Variants in WDPCP observed in about 807,000 individuals in gnomAD.
WDPCP encodes the protein WD repeat-containing and planar cell polarity effector protein fritz homolog.
WDPCP carries 71 observed loss-of-function variants against 93.1 expected under a neutral mutation model. That is an observed-to-expected ratio of 0.76 (90% CI 0.63 to 0.93). The LOEUF (loss-of-function observed/expected upper bound fraction) is 0.93, where lower values mean the gene tolerates loss of function less well. Ranked by LOEUF, WDPCP falls within the 40% of genes least tolerant of loss-of-function variation. WDPCP has a pLI of 0.00. For synonymous variants in WDPCP, 315 were observed against 315.0 expected (o/e 1.00, Z 0.00); for missense variants, 844 against 887.4 (o/e 0.95, Z 0.62).
chr2:63,388,713 T>C (rs750033971), intron 10 of WDPCP, among the ~76,000 whole-genome samples: 27 of 152,242 alleles, frequency 1.8e-4, no homozygotes, highest in Admixed American at 5.9e-4. Flanking sequence ...AATGACCTGA[T>C]GGAGCTGAAA....
chr2:63,152,194 T>C (rs767226478), intron 17 of WDPCP, among the ~76,000 whole-genome samples: 6 of 152,024 alleles, frequency 3.9e-5, no homozygotes, highest in African/African-American at 4.8e-5. Context: ...TTCAAACATA[T>C]ACCAAAGAGA....
At chr2:63,491,814 G>C (rs1011814338) in intron 2 of WDPCP, among the ~76,000 whole-genome samples, 17 of 152,066 alleles carry the variant, frequency 1.1e-4, no homozygotes, top group African/African-American at 4.1e-4. Context: ...TATCTTTCCA[G>C]AATTTTGAGT....
At chr2:63,249,633 G>C (rs1014881013) in intron 14 of WDPCP, among the ~76,000 whole-genome samples, 4 of 152,118 alleles carry the variant, frequency 2.6e-5, no homozygotes, top group Admixed American at 6.6e-5. Context: ...TAACTGTGGG[G>C]TAACAAGGAC....
At chr2:63,235,557 A>G (rs541302365) in intron 14 of WDPCP, among the ~76,000 whole-genome samples, 7 of 152,206 alleles carry the variant, frequency 4.6e-5, no homozygotes, top group African/African-American at 1.7e-4. Flanking sequence ...ACAGAAAACC[A>G]CAGGCCAACA....
At chr2:63,819,279 ATCTG>A (rs749132474) in intron 1 of WDPCP, among the ~76,000 whole-genome samples, 5 of 152,154 alleles carry the variant, frequency 3.3e-5, no homozygotes, top group African/African-American at 9.7e-5. Context: ...TAAAATTTTG[ATCTG>A]TCTGATTATT....
At chr2:63,390,254 G>A (rs951077435) in intron 10 of WDPCP, among the ~76,000 whole-genome samples, 30 of 151,686 alleles carry the variant, frequency 2.0e-4, no homozygotes, top group Admixed American at 1.5e-3. Context: ...ACTCAAAACC[G>A]CACAACTATA....
chr2:63,558,527 C>CAAAAAAAA (rs57582852), intron 1 of WDPCP, among the ~76,000 whole-genome samples: 4 of 143,366 alleles, frequency 2.8e-5, no homozygotes, highest in Non-Finnish European at 4.7e-5. Flanking sequence ...GACTCTGTCT[C>CAAAAAAAA]AAAAAAAAAA....
At chr2:63,474,025 C>T (rs1162975312) in intron 6 of WDPCP, among the ~76,000 whole-genome samples, 2 of 151,956 alleles carry the variant, frequency 1.3e-5, no homozygotes, top group Admixed American at 6.6e-5. Flanking sequence ...TAATAGCTAT[C>T]TCTAAGGGCT....
intron 12 of WDPCP, among the ~76,000 whole-genome samples, chr2:63,319,751 T>A (rs1575132342): frequency 6.6e-6 from 1 of 152,222 alleles, no homozygotes; most frequent in East Asian, 1.9e-4. Flanking sequence ...GTGCTGGGAT[T>A]ACAGGCCACT....
At chr2:63,294,710 A>AG (rs1333776218) in intron 13 of WDPCP, among the ~76,000 whole-genome samples, 1 of 152,056 alleles carries the variant, frequency 6.6e-6, no homozygotes, top group African/African-American at 2.4e-5. Context: ...AAAGGGCACT[A>AG]GACAGCTACT....
chr2:63,436,619 A>G (rs577586767), intron 8 of WDPCP, among the ~76,000 whole-genome samples: 1 of 152,096 alleles, frequency 6.6e-6, no homozygotes, highest in Admixed American at 6.6e-5. Context: ...AGGAAGCTGT[A>G]TATCAGCTCT....
intron 9 of WDPCP, among the ~76,000 whole-genome samples, chr2:63,426,122 T>A (rs1696267249): frequency 6.6e-6 from 1 of 152,110 alleles, no homozygotes; most frequent in African/African-American, 2.4e-5. Context: ...AGGCGGATCA[T>A]GAGGTCAGGA....
chr2:63,230,973 A>G (rs1678819815), intron 14 of WDPCP, among the ~76,000 whole-genome samples: 2 of 152,144 alleles, frequency 1.3e-5, no homozygotes, highest in African/African-American at 4.8e-5. Flanking sequence ...TTTTGTTGCC[A>G]TTGCTTTTGG....
intron 9 of WDPCP, among the ~76,000 whole-genome samples, chr2:63,431,470 T>G (rs985063952): frequency 5.3e-5 from 8 of 152,092 alleles, no homozygotes; most frequent in African/African-American, 1.9e-4. Context: ...GGCTGTTTTC[T>G]TTTTTTAGTT....
At chr2:63,190,294 A>G (rs550799380) in intron 14 of WDPCP, among the ~76,000 whole-genome samples, 16 of 152,004 alleles carry the variant, frequency 1.1e-4, no homozygotes, top group Non-Finnish European at 1.9e-4. Flanking sequence ...CTAGCCAAGC[A>G]TGGTGGCAGA....
rs1002375844 is a variant in WDPCP at position 63,635,362 on chromosome 2, C to T, written n.488+15297G>A. 2.0e-5 allele frequency among the ~76,000 whole-genome samples: 3 copies of T among 152,098 alleles called. No homozygotes were observed. The South Asian group carries it at 6.2e-4, about 32-fold the overall frequency. On this transcript the variant is annotated intron_variant and non_coding_transcript_variant, in intron 3 of 4. Coordinates refer to the WDPCP transcript ENST00000467687. ...TTGAAGAGGAGAGAACACTTCCAAC[C>T]TCATTTTATGAAGCCAGCATTACCT...
At chr2:63,139,170 T>TACACACACACAC (rs143596446) in intron 17 of WDPCP, among the ~76,000 whole-genome samples, 12 of 149,330 alleles carry the variant, frequency 8.0e-5, no homozygotes, top group African/African-American at 2.7e-4. Context: ...TATATGTGTA[T>TACACACACACAC]ACACACACAC....
intron 2 of WDPCP, among the ~76,000 whole-genome samples, chr2:63,791,476 A>G (rs1406103762): frequency 6.6e-6 from 1 of 152,166 alleles, no homozygotes; most frequent in Non-Finnish European, 1.5e-5. Flanking sequence ...CCTGCTTTTT[A>G]TACCCATAGC....
intron 3 of WDPCP, among the ~76,000 whole-genome samples, chr2:63,595,837 A>G (rs1462122267): frequency 2.0e-5 from 3 of 152,194 alleles, no homozygotes; most frequent in Non-Finnish European, 2.9e-5. Context: ...ATTATAGACA[A>G]CGTAGGAATT....
Sources: allele counts gnomAD v4.1 joint callset (sites outside exome capture counted in the v4.1 genomes callset), GRCh38; gene constraint gnomAD v4.1.1; transcripts MANE v1.5; gene names NCBI Gene and HGNC (gene_info 2026-07-23, HGNC 2026-07-21).